Variants in JAK2 observed in about 807,000 individuals in gnomAD.
The protein encoded by JAK2 is Janus kinase 2.
JAK2 carries 86 observed loss-of-function variants against 139.3 expected under a neutral mutation model. The ratio of observed to expected loss-of-function variants is 0.62; its 90% confidence interval spans 0.52 to 0.74. The LOEUF (loss-of-function observed/expected upper bound fraction) is 0.74. JAK2 is among the 30% of genes least tolerant of loss of function. The pLI is 0.00. For synonymous variants in JAK2, 490 were observed against 437.7 expected (o/e 1.12, Z -1.49); for missense variants, 1,421 against 1,360.3 (o/e 1.04, Z -0.70).
intron 16 of JAK2, among the ~76,000 whole-genome samples, 181 bp from the exon 17 acceptor site, chr9:5,080,048 C>G (rs1435176276): frequency 6.6e-6 from 1 of 152,188 alleles, no homozygotes; most frequent in Non-Finnish European, 1.5e-5. Flanking sequence ...ATTAGATGAT[C>G]TTGAAGGTCC....
intron 8 of JAK2, among the ~76,000 whole-genome samples, chr9:5,058,227 T>G (rs1183066342): frequency 6.6e-6 from 1 of 152,176 alleles, no homozygotes; most frequent in Non-Finnish European, 1.5e-5. Flanking sequence ...GTTCTCACAC[T>G]GCTATAAAGA....
intron 3 of JAK2, among the ~76,000 whole-genome samples, chr9:5,027,530 A>G (rs1226656038): frequency 3.9e-5 from 6 of 152,172 alleles, no homozygotes; most frequent in South Asian, 2.1e-4. Flanking sequence ...GGCTATGGCA[A>G]TATCTTAAAA....
Position 5,054,289 on chromosome 9 carries a change from C to A in JAK2, c.615-274C>A, listed in dbSNP as rs1050302906. Among the ~76,000 whole-genome samples the A allele has an allele frequency of 2.6e-5, 4 of 151,962 alleles. No homozygotes were observed. Among genetic ancestry groups the A allele is most frequent in the African/African-American group, 7.2e-5 (3 of 41,412 alleles). On this transcript the variant is annotated intron_variant, in intron 6 of 24. Coordinates refer to ENST00000381652, the MANE Select transcript of JAK2 (RefSeq NM_004972.4). This position sits in a 1 kb window ranked among gnomAD's most constrained non-coding sequence, Gnocchi z 4.9. ...TTTTTAGAGATTCTTATTAACTAGACTGAGGATTCATTTCATTAGGGGAAG... is the reference window on the plus strand; with the variant it reads ...TTTTTAGAGATTCTTATTAACTAGAATGAGGATTCATTTCATTAGGGGAAG...
At chr9:5,048,163 A>T (rs543664003) in intron 5 of JAK2, among the ~76,000 whole-genome samples, 1 of 150,736 alleles carries the variant, frequency 6.6e-6, no homozygotes, top group Non-Finnish European at 1.5e-5. Context: ...TTTTTTTGAG[A>T]TGGAGTCTCC....
intron 8 of JAK2, among the ~76,000 whole-genome samples, chr9:5,062,550 C>CAATAAAGG (rs1481652690): frequency 9.3e-6 from 1 of 107,586 alleles, no homozygotes; most frequent in Non-Finnish European, 1.8e-5. Context: ...CTGCAAGGAG[C>CAATAAAGG]AATAAAGGGA....
At chr9:5,103,298 C>G in intron 22 of JAK2, among the ~76,000 whole-genome samples, 1 of 122,072 alleles carries the variant, frequency 8.2e-6, no homozygotes, top group Non-Finnish European at 1.6e-5. Context: ...AGACTTTAAG[C>G]CAACAAAGAT....
intron 2 of JAK2, among the ~76,000 whole-genome samples, chr9:4,996,539 T>G (rs1323372323): frequency 6.6e-6 from 1 of 152,100 alleles, no homozygotes; most frequent in African/African-American, 2.4e-5. Flanking sequence ...TTTATTTTTT[T>G]AAATACATGA....
intron 20 of JAK2, among the ~76,000 whole-genome samples, chr9:5,090,165 A>G (rs1244143623): frequency 1.3e-5 from 2 of 152,180 alleles, no homozygotes; most frequent in Admixed American, 6.5e-5. Context: ...TTTTTGTTCG[A>G]TATCAATGAG....
chr9:5,043,892 T>A (rs921356317), intron 4 of JAK2, among the ~76,000 whole-genome samples: 3 of 152,244 alleles, frequency 2.0e-5, no homozygotes, highest in African/African-American at 7.2e-5. Context: ...TGTACAATGC[T>A]ATGAATAAAC....
intron 2 of JAK2, among the ~76,000 whole-genome samples, chr9:4,989,301 T>TC (rs2129697527): frequency 6.6e-6 from 1 of 152,354 alleles, no homozygotes; most frequent in East Asian, 1.9e-4. Context: ...CTCTTTTTTT[T>TC]CCTCTATTTC....
At chr9:5,020,560 T>A (rs1012590216) in intron 2 of JAK2, among the ~76,000 whole-genome samples, 1 of 151,704 alleles carries the variant, frequency 6.6e-6, no homozygotes, top group South Asian at 2.1e-4. Context: ...TTGTAGGGAG[T>A]TGGCTAAGGA....
Position 5,066,774 on chromosome 9 carries a change from G to C in JAK2, c.1311G>C (p.Leu437Phe). ...CSPKDFNKYF[L>F]TFAVERENVI... ...CTAAGGACTTTAATAAATATTTTTT[G>C]ACTTTTGCTGTCGAGGTTAGTATGT... is the stretch of plus-strand genomic sequence containing the variant. The change falls in exon 10 of 25, where the codon TTG becomes TTC. Residue 437 changes from leucine (L) to phenylalanine (F), a missense_variant. Coordinates refer to ENST00000381652, the MANE Select transcript of JAK2 (RefSeq NM_004972.4). 6.5e-7 allele frequency: 1 copy of C among 1,547,694 alleles called. No homozygotes were observed. The highest frequency in any genetic ancestry group is 8.7e-7 in the Non-Finnish European group (1 of 1,146,110).
intron 8 of JAK2, among the ~76,000 whole-genome samples, chr9:5,059,627 A>G (rs185104335): frequency 5.3e-5 from 8 of 152,286 alleles, no homozygotes; most frequent in African/African-American, 1.9e-4. Flanking sequence ...ATACTGCCAA[A>G]CAATTTTTTG....
intron 6 of JAK2, 37 bp downstream of exon 6, chr9:5,050,868 A>C: frequency 6.5e-7 from 1 of 1,539,568 alleles, no homozygotes. Context: ...CATAAGTGTG[A>C]GTAGAGATTT....
chr9:5,123,202 T>C (rs1823750571), intron 23 of JAK2, 81 bp downstream of exon 23: 1 of 889,392 alleles, frequency 1.1e-6, no homozygotes, highest in Admixed American at 2.1e-5. Context: ...AGTACAATTT[T>C]GCTACATGCA....
chr9:5,104,814 A>G lies in JAK2; in HGVS notation c.3059+13903A>G, dbSNP rs950438214. Among the ~76,000 whole-genome samples, 8 of 152,324 alleles carry G rather than the reference A, an allele frequency of 5.3e-5. No homozygotes were observed. In the East Asian group the frequency reaches 1.2e-3, roughly 22 times the overall value. ...CAGAACCAATGACAAAAACCACATGATTATTTCAATAGATGCACAAAAGGT... is the reference window on the plus strand; with the variant it reads ...CAGAACCAATGACAAAAACCACATGGTTATTTCAATAGATGCACAAAAGGT... On this transcript the variant is annotated intron_variant, in intron 22 of 24. Coordinates refer to ENST00000381652, the MANE Select transcript of JAK2 (RefSeq NM_004972.4).
intron 14 of JAK2, among the ~76,000 whole-genome samples, chr9:5,075,480 A>G (rs1819248776): frequency 1.3e-5 from 2 of 152,208 alleles, no homozygotes; most frequent in Middle Eastern, 3.2e-3. Context: ...CAAAAATCCC[A>G]GGGCTCTGCG....
chr9:5,081,120 C>T (rs1010239712), intron 18 of JAK2, among the ~76,000 whole-genome samples: 4 of 151,962 alleles, frequency 2.6e-5, no homozygotes, highest in African/African-American at 7.2e-5. Flanking sequence ...TGGTCTCGAT[C>T]TCCTGATCTT....
At chr9:5,122,963 A>C in intron 22 of JAK2, 41 bp from the exon 23 acceptor site, 1 of 1,295,286 alleles carries the variant, frequency 7.7e-7, no homozygotes, top group African/African-American at 1.5e-5. Flanking sequence ...GAGTCCACAT[A>C]TCAAGTAACT....
Sources: gnomAD v4.1 joint callset for allele counts (sites outside exome capture counted in the v4.1 genomes callset) on GRCh38, gnomAD v4.1.1 for gene constraint, Gnocchi (gnomAD v3.1) non-coding constraint, MANE v1.5 for transcripts, NCBI Gene and HGNC (gene_info 2026-07-23, HGNC 2026-07-21) for gene names.